Variants in HTR3B observed in about 807,000 individuals in gnomAD.
HTR3B encodes 5-hydroxytryptamine (serotonin) receptor 3B, ionotropic.
HTR3B carries 44 observed loss-of-function variants against 42.8 expected under a neutral mutation model. The ratio of observed to expected loss-of-function variants is 1.03; its 90% CI spans 0.81 to 1.32. HTR3B has a LOEUF of 1.32. Among genes scored for constraint, HTR3B ranks in the 40% most tolerant of loss-of-function variants. HTR3B has a pLI of 0.00. For missense variants in HTR3B, 527 were observed against 536.5 expected (o/e 0.98, Z 0.17); for synonymous variants, 203 against 209.0 (o/e 0.97, Z 0.25).
intron 6 of HTR3B, among the ~76,000 whole-genome samples, chr11:113,937,208 C>G (rs76878213): frequency 2.6e-5 from 4 of 152,160 alleles, no homozygotes; most frequent in South Asian, 2.1e-4. Context: ...TTCTACTCAG[C>G]AGAAGCAGGA....
intron 2 of HTR3B, among the ~76,000 whole-genome samples, chr11:113,911,434 T>G (rs933416897): frequency 1.3e-5 from 2 of 151,898 alleles, no homozygotes; most frequent in African/African-American, 4.8e-5. Context: ...TTCACCATGT[T>G]GGTCAGGCTA....
chr11:113,920,131 C>T (rs895886892), intron 2 of HTR3B, among the ~76,000 whole-genome samples: 50 of 151,734 alleles, frequency 3.3e-4, no homozygotes, highest in African/African-American at 1.0e-3. Context: ...CGGGTTCAAG[C>T]GATTCTCCTG....
intron 2 of HTR3B, among the ~76,000 whole-genome samples, chr11:113,928,940 C>T (rs1246933674): frequency 6.6e-6 from 1 of 152,164 alleles, no homozygotes; most frequent in Non-Finnish European, 1.5e-5. Flanking sequence ...GTTGATTCTA[C>T]CCCTTGGCTA....
At chr11:113,931,272 A>G in intron 2 of HTR3B, 112 bp from the exon 3 acceptor site, 2 of 752,564 alleles carry the variant, frequency 2.7e-6, no homozygotes, top group Non-Finnish European at 4.6e-6. Flanking sequence ...TTTTAATATC[A>G]GCATTATTTG....
intron 2 of HTR3B, among the ~76,000 whole-genome samples, chr11:113,925,095 G>A (rs892082967): frequency 3.3e-5 from 5 of 151,326 alleles, no homozygotes; most frequent in African/African-American, 2.4e-5. Flanking sequence ...ACAATTCCAC[G>A]AGCACCATCA....
chr11:113,913,350 A>ATTTTTTTTTTTTTTTTTTTTTTTTTTTTT (rs71063533), intron 2 of HTR3B, among the ~76,000 whole-genome samples: 4 of 61,520 alleles, frequency 6.5e-5, no homozygotes, highest in Admixed American at 2.5e-4. Flanking sequence ...TGTCTGGCTA[A>ATTTTTTTTTTTTTTTTTTTTTTTTTTTTT]TTTTTTTTTT....
chr11:113,936,328 CAAGTA>C (rs1235440302), intron 6 of HTR3B, among the ~76,000 whole-genome samples: 1 of 152,102 alleles, frequency 6.6e-6, no homozygotes, highest in Non-Finnish European at 1.5e-5. Flanking sequence ...ATCCTCACAC[CAAGTA>C]AAGTGTTTAT....
chr11:113,937,303 A>G (rs1950099395), intron 6 of HTR3B, among the ~76,000 whole-genome samples: 2 of 152,216 alleles, frequency 1.3e-5, no homozygotes, highest in South Asian at 4.1e-4. Context: ...GGCTAACTCC[A>G]CACTTCCATT....
At chr11:113,905,679 A>G (rs993229613) in intron 1 of HTR3B, among the ~76,000 whole-genome samples, 4 of 152,214 alleles carry the variant, frequency 2.6e-5, no homozygotes, top group Non-Finnish European at 2.9e-5. Context: ...GATTCTTAGT[A>G]CATGCGCACA....
Position 113,947,254 on chromosome 11 carries a change from CCA to C in HTR3B, c.*1119_*1120del, listed in dbSNP as rs1313978894. ...GAGTAGCTGGAACTACAGGTGCATG[CCA>C]CCACACCCAGCTAATTTTCTGTATT... On this transcript the variant is annotated 3_prime_UTR_variant, in exon 9 of 9. Coordinates refer to ENST00000260191, the MANE Select transcript of HTR3B (RefSeq NM_006028.5). Among the ~76,000 whole-genome samples the C allele has an allele frequency of 2.1e-4, 32 of 152,176 alleles. No individual in the cohort carries two copies. The highest frequency in any genetic ancestry group is 3.8e-4 in the Non-Finnish European group (26 of 68,020).
Position 113,948,957 on chromosome 11 carries a change from C to G in HTR3B, c.*2820C>G, listed in dbSNP as rs1950200268. Reference sequence around the variant, plus strand: ...TAATGGGTGCAGCACAGCAACGTGGCACGTGTATACATATGTAACAAACCT... The same window carrying G: ...TAATGGGTGCAGCACAGCAACGTGGGACGTGTATACATATGTAACAAACCT... On this transcript the variant is annotated 3_prime_UTR_variant, in exon 9 of 9. Transcript: ENST00000260191. Among the ~76,000 whole-genome samples, 1 of 152,094 alleles carries G rather than the reference C, an allele frequency of 6.6e-6. No homozygotes were observed. Among genetic ancestry groups the G allele is most frequent in the Non-Finnish European group, 1.5e-5 (1 of 68,034 alleles).
At chr11:113,936,892 T>C (rs969378517) in intron 6 of HTR3B, among the ~76,000 whole-genome samples, 46 of 152,278 alleles carry the variant, frequency 3.0e-4, no homozygotes, top group Admixed American at 7.8e-4. Flanking sequence ...TGGGGCCTAT[T>C]CCATCTCCAA....
chr11:113,928,827 G>A (rs779569978), intron 2 of HTR3B, among the ~76,000 whole-genome samples: 4 of 152,244 alleles, frequency 2.6e-5, no homozygotes, highest in Admixed American at 1.3e-4. Flanking sequence ...GTGAGCCACC[G>A]CGCCCAGCTG....
upstream of HTR3B, among the ~76,000 whole-genome samples, chr11:113,901,986 C>A (rs1030526612): frequency 6.6e-6 from 1 of 152,150 alleles, no homozygotes; most frequent in Non-Finnish European, 1.5e-5. Flanking sequence ...TAAGTAGAAG[C>A]TGACAATTCA....
chr11:113,944,704 G>T lies in HTR3B; in HGVS notation c.1039G>T (p.Asp347Tyr). Reference sequence around the variant, plus strand: ...CTTCTTGTGCCTTCGAGGGGACACCGATGCTGACAGGCCTAGAGTGGAACC... The same window carrying T: ...CTTCTTGTGCCTTCGAGGGGACACCTATGCTGACAGGCCTAGAGTGGAACC... ...QPFLCLRGDTDADRPRVEPRA... is the reference protein window; with the variant it reads ...QPFLCLRGDTYADRPRVEPRA... Residue 347 changes from aspartate (D) to tyrosine (Y), a missense_variant, in exon 8 of 9, where the codon GAT becomes TAT. Coordinates refer to ENST00000260191, the MANE Select transcript of HTR3B (RefSeq NM_006028.5). The T allele has an allele frequency of 1.2e-6, 2 of 1,614,126 alleles. No homozygotes were observed. The highest frequency in any genetic ancestry group is 8.5e-7 in the Non-Finnish European group (1 of 1,179,996).
chr11:113,941,135 CAT>C (rs1467902213), intron 6 of HTR3B, among the ~76,000 whole-genome samples: 1 of 152,230 alleles, frequency 6.6e-6, no homozygotes, highest in Non-Finnish European at 1.5e-5. Flanking sequence ...CTATCTGACA[CAT>C]ATTGAGCCGT....
At chr11:113,910,885 A>C (rs947837629) in intron 2 of HTR3B, among the ~76,000 whole-genome samples, 1 of 147,326 alleles carries the variant, frequency 6.8e-6, no homozygotes, top group African/African-American at 2.5e-5. Flanking sequence ...GCTGAAGTGC[A>C]GTGGCACAAT....
Position 113,943,088 on chromosome 11 carries a change from G to A in HTR3B, c.803G>A (p.Arg268Gln), listed in dbSNP as rs148829936. The change falls in exon 7 of 9, where the codon CGA (arginine) becomes CAA (glutamine). Residue 268 changes from arginine to glutamine, a missense_variant. Physicochemically the swap from Arg to Gln is conservative, Grantham distance 43 (BLOSUM62 1). Coordinates refer to ENST00000260191, the MANE Select transcript of HTR3B (RefSeq NM_006028.5). ...LGSFYLPPNC[R>Q]ARIVFKTSVL... ...AGCTTCTACCTGCCACCCAACTGCC[G>A]AGCCAGGATTGTGTTCAAGACCAGT... 198 of 1,614,050 alleles carry A rather than the reference G, an allele frequency of 1.2e-4. 1 individual carries two copies. The African/African-American group carries it at 2.2e-3, about 18-fold the overall frequency.
chr11:113,913,003 T>C (rs555344864), intron 2 of HTR3B, among the ~76,000 whole-genome samples: 2 of 149,010 alleles, frequency 1.3e-5, no homozygotes, highest in Non-Finnish European at 3.0e-5. Context: ...TTTAAATCAT[T>C]ATTATAATAT....
Sources: allele counts gnomAD v4.1 joint callset (sites outside exome capture counted in the v4.1 genomes callset), GRCh38; gene constraint gnomAD v4.1.1; transcripts MANE v1.5; gene names NCBI Gene and HGNC (gene_info 2026-07-23, HGNC 2026-07-21).